Variants in SRD5A1 observed in about 807,000 individuals in gnomAD.
The protein encoded by SRD5A1 is steroid 5 alpha-reductase 1.
In SRD5A1, 22 loss-of-function variants were observed where a neutral mutation model predicts 28.2. That is an observed-to-expected ratio of 0.78 (90% CI 0.56 to 1.12). SRD5A1 has a LOEUF of 1.12. SRD5A1 is among the 50% of genes most tolerant of loss of function. The pLI, the probability that SRD5A1 is intolerant of heterozygous loss-of-function variation, is 0.00. For missense variants in SRD5A1, 300 were observed against 346.7 expected (o/e 0.87, Z 1.07); for synonymous variants, 151 against 135.0 (o/e 1.12, Z -0.82).
intron 1 of SRD5A1, among the ~76,000 whole-genome samples, chr5:6,636,835 G>A (rs980634597): frequency 6.6e-6 from 1 of 152,250 alleles, no homozygotes; most frequent in South Asian, 2.1e-4. Flanking sequence ...TTGAGTTGAG[G>A]AGTAAAAGAC....
At chr5:6,646,837 C>G (rs767384113) in intron 1 of SRD5A1, among the ~76,000 whole-genome samples, 1 of 151,956 alleles carries the variant, frequency 6.6e-6, no homozygotes, top group Non-Finnish European at 1.5e-5. Context: ...TTTGTTTGTT[C>G]TTGCTTCTCT....
At chr5:6,643,581 C>T (rs1466649842) in intron 1 of SRD5A1, among the ~76,000 whole-genome samples, 2 of 152,132 alleles carry the variant, frequency 1.3e-5, no homozygotes, top group East Asian at 1.9e-4. Context: ...TGAGCCACTG[C>T]ATCTGGTCCT....
Position 6,637,172 on chromosome 5 carries a change from C to T in SRD5A1, c.293+3303C>T, listed in dbSNP as rs1434768008. On this transcript the variant is annotated intron_variant, in intron 1 of 4. Coordinates refer to ENST00000274192, the MANE Select transcript of SRD5A1 (RefSeq NM_001047.4). ...GTGGCGTCTGGCATGGTGGCAGCCC[C>T]TGGAGGCAGGTGCCTTCCCCAGCCT... is the stretch of plus-strand genomic sequence containing the variant. Among the ~76,000 whole-genome samples the T allele has an allele frequency of 3.3e-5, 5 of 152,104 alleles. No homozygotes were observed. In the South Asian group the frequency reaches 1.0e-3, roughly 31 times the overall value.
intron 1 of SRD5A1, among the ~76,000 whole-genome samples, chr5:6,635,478 G>C (rs472402): frequency 0.52 from 79,415 of 151,670 alleles, 20,970 homozygotes; most frequent in Admixed American, 0.57. Context: ...AGTCCCATCA[G>C]TCATGACCCT....
chr5:6,645,016 G>A (rs760223129), intron 1 of SRD5A1: 75 of 455,804 alleles, frequency 1.6e-4, no homozygotes, highest in South Asian at 3.6e-4. Flanking sequence ...CACACTTACT[G>A]GCCAACACGT....
At chr5:6,663,728 C>T (rs1195414668) in intron 4 of SRD5A1, among the ~76,000 whole-genome samples, 1 of 151,952 alleles carries the variant, frequency 6.6e-6, no homozygotes. Context: ...GGCGTGGTGG[C>T]GGGCGCCTGT....
At chr5:6,636,206 A>G (rs1177453316) in intron 1 of SRD5A1, among the ~76,000 whole-genome samples, 1 of 152,166 alleles carries the variant, frequency 6.6e-6, no homozygotes, top group Non-Finnish European at 1.5e-5. Context: ...TTAAACAGTC[A>G]CTTGATCTAA....
intron 4 of SRD5A1, 94 bp downstream of exon 4, chr5:6,663,060 C>A: frequency 2.8e-6 from 4 of 1,449,896 alleles, no homozygotes; most frequent in African/African-American, 1.4e-5. Flanking sequence ...TAATTTAAAT[C>A]GCTGAATTCC....
In SRD5A1 at chr5:6,633,525, A is replaced by G. The variant is rs1738045139; in HGVS notation, c.-52A>G. The G allele has an allele frequency of 7.0e-7, 1 of 1,423,240 alleles. No homozygotes were observed. The highest frequency in any genetic ancestry group is 9.1e-7 in the Non-Finnish European group (1 of 1,097,574). 88.2% of individuals were successfully genotyped at this position (1,423,240 alleles called of 1,614,324 possible). A position where few individuals can be genotyped will look rare whatever the true frequency, so the allele number is the denominator to read the frequency against. On this transcript the variant is annotated 5_prime_UTR_variant, in exon 1 of 5. The change creates a new upstream start codon in the 5' untranslated region. Transcript: ENST00000274192. ...TCCTGCCCCCGCGCCGCCGCCCTATATGTTGCCCGCCGCGGCCTCTGGGGC... is the reference window on the plus strand; with the variant it reads ...TCCTGCCCCCGCGCCGCCGCCCTATGTGTTGCCCGCCGCGGCCTCTGGGGC...
chr5:6,651,017 A>T (rs1024162322), intron 1 of SRD5A1, among the ~76,000 whole-genome samples: 2 of 151,806 alleles, frequency 1.3e-5, no homozygotes, highest in African/African-American at 4.8e-5. Context: ...TACCACTCTG[A>T]GTCTTAATTT....
intron 1 of SRD5A1, among the ~76,000 whole-genome samples, chr5:6,636,443 C>G (rs471604): frequency 0.83 from 126,244 of 152,204 alleles, 52,975 homozygotes; most frequent in African/African-American, 0.96. Context: ...AGAGCCAGTA[C>G]CACCTTACAC....
At chr5:6,645,443 C>G (rs1271792347) in intron 1 of SRD5A1, 2 of 160,156 alleles carry the variant, frequency 1.2e-5, no homozygotes, top group Non-Finnish European at 2.7e-5. Context: ...AGTTCGAGAA[C>G]AGCCTGACCA....
At chr5:6,648,934 C>T (rs1738585924) in intron 1 of SRD5A1, among the ~76,000 whole-genome samples, 1 of 151,512 alleles carries the variant, frequency 6.6e-6, no homozygotes, top group Admixed American at 6.6e-5. Flanking sequence ...TTGGCGATAT[C>T]GATACTATTT....
chr5:6,656,455 G>C (rs1243195196), intron 3 of SRD5A1, among the ~76,000 whole-genome samples: 3 of 152,208 alleles, frequency 2.0e-5, no homozygotes, highest in African/African-American at 7.2e-5. Context: ...TGATTGACGA[G>C]GAGTGTCTGA....
intron 1 of SRD5A1, among the ~76,000 whole-genome samples, chr5:6,646,449 A>G (rs1738513214): frequency 6.6e-6 from 1 of 152,232 alleles, no homozygotes; most frequent in African/African-American, 2.4e-5. Context: ...CCTCAATTTC[A>G]GAATTTGTTA....
At chr5:6,661,750 C>G (rs1162813490) in intron 3 of SRD5A1, among the ~76,000 whole-genome samples, 1 of 152,108 alleles carries the variant, frequency 6.6e-6, no homozygotes, top group African/African-American at 2.4e-5. Flanking sequence ...CCAGGCTGGT[C>G]TCCAACTCCT....
chr5:6,641,038 A>G (rs2126527790), intron 1 of SRD5A1, among the ~76,000 whole-genome samples: 1 of 152,308 alleles, frequency 6.6e-6, no homozygotes, highest in South Asian at 2.1e-4. Context: ...AGGGGCTGTG[A>G]GTGCCCATGC....
At chr5:6,665,665 A>G (rs1214403955) in intron 4 of SRD5A1, among the ~76,000 whole-genome samples, 1 of 152,204 alleles carries the variant, frequency 6.6e-6, no homozygotes, top group Non-Finnish European at 1.5e-5. Flanking sequence ...TTTCTCATTA[A>G]AAGAAACAAA....
At chr5:6,660,125 C>T (rs1738959709) in intron 3 of SRD5A1, among the ~76,000 whole-genome samples, 1 of 152,222 alleles carries the variant, frequency 6.6e-6, no homozygotes. Flanking sequence ...TCAGTACATA[C>T]AGGCTGAACT....
Sources: allele counts gnomAD v4.1 joint callset (sites outside exome capture counted in the v4.1 genomes callset), GRCh38; gene constraint gnomAD v4.1.1; transcripts MANE v1.5; gene names NCBI Gene and HGNC (gene_info 2026-07-23, HGNC 2026-07-21).